DDHD1: variants seen among roughly 807,000 people sequenced by gnomAD.
DDHD1 encodes the protein phospholipase DDHD1.
In DDHD1, 49 loss-of-function variants were observed where a neutral mutation model predicts 96.4. The ratio of observed to expected loss-of-function variants is 0.51; its 90% CI spans 0.40 to 0.64. The LOEUF (loss-of-function observed/expected upper bound fraction) is 0.64. Ranked by LOEUF, DDHD1 falls within the 30% of genes least tolerant of loss-of-function variation. The pLI is 0.00. For synonymous variants in DDHD1, 442 were observed against 446.5 expected (o/e 0.99, Z 0.13); for missense variants, 1,106 against 1,161.2 (o/e 0.95, Z 0.69).
intron 2 of DDHD1, among the ~76,000 whole-genome samples, chr14:53,094,780 C>G (rs1046537218): frequency 6.6e-6 from 1 of 151,680 alleles, no homozygotes; most frequent in East Asian, 1.9e-4. Flanking sequence ...GGAGGTCAAG[C>G]CTGCAATGAG....
chr14:53,152,132 TCC>T, intron 1 of DDHD1, 127 bp downstream of exon 1: 5 of 991,698 alleles, frequency 5.0e-6, no homozygotes, highest in Admixed American at 6.0e-5. Flanking sequence ...TCAATCTCCA[TCC>T]TGCCCCAGCC....
intron 4 of DDHD1, among the ~76,000 whole-genome samples, chr14:53,082,399 A>G (rs1256745566): frequency 6.6e-6 from 1 of 152,098 alleles, no homozygotes; most frequent in African/African-American, 2.4e-5. Context: ...AAAAATAGAA[A>G]AAGATATAAA....
chr14:53,068,884 C>T (rs1021528260), intron 6 of DDHD1, among the ~76,000 whole-genome samples: 24 of 152,216 alleles, frequency 1.6e-4, no homozygotes, highest in Non-Finnish European at 3.2e-4. Context: ...GTCCAGTCTT[C>T]TCTTACCTAA....
chr14:53,061,082 A>C, intron 8 of DDHD1, 44 bp downstream of exon 8: 1 of 1,549,834 alleles, frequency 6.5e-7, no homozygotes, highest in Middle Eastern at 1.7e-4. Context: ...ACGTTAAAAA[A>C]AATACTGAGA....
intron 1 of DDHD1, among the ~76,000 whole-genome samples, chr14:53,151,902 G>A (rs191908960): frequency 6.6e-6 from 1 of 152,184 alleles, no homozygotes; most frequent in African/African-American, 2.4e-5. Flanking sequence ...GCTGTTTAGG[G>A]TAAATGAGAC....
At chr14:53,091,443 C>A (rs1434441625) in intron 4 of DDHD1, among the ~76,000 whole-genome samples, 1 of 152,166 alleles carries the variant, frequency 6.6e-6, no homozygotes, top group African/African-American at 2.4e-5. Flanking sequence ...TTGCAGTATT[C>A]TTAGTTTCTG....
chr14:53,120,278 C>T (rs558309771), intron 1 of DDHD1, among the ~76,000 whole-genome samples: 1 of 152,208 alleles, frequency 6.6e-6, no homozygotes, highest in African/African-American at 2.4e-5. Context: ...AACTACAAAC[C>T]ACTGTTCAAC....
intron 6 of DDHD1, among the ~76,000 whole-genome samples, chr14:53,067,969 T>A (rs1884184894): frequency 6.6e-6 from 1 of 152,170 alleles, no homozygotes; most frequent in South Asian, 2.1e-4. Flanking sequence ...CATGATCTTT[T>A]ACCCCTAAAT....
chr14:53,062,516 TA>T (rs1017574010), intron 7 of DDHD1, among the ~76,000 whole-genome samples: 3 of 152,004 alleles, frequency 2.0e-5, no homozygotes, highest in Admixed American at 6.6e-5. Flanking sequence ...ATATAACATG[TA>T]AAAAAATATA....
intron 1 of DDHD1, among the ~76,000 whole-genome samples, chr14:53,112,182 C>T (rs190191366): frequency 1.1e-3 from 160 of 152,118 alleles, no homozygotes; most frequent in Non-Finnish European, 1.1e-3. Flanking sequence ...TCTGAGAGGC[C>T]GAAGTGGGCG....
intron 4 of DDHD1, among the ~76,000 whole-genome samples, chr14:53,075,839 G>A (rs1417510993): frequency 1.3e-5 from 2 of 152,102 alleles, no homozygotes; most frequent in African/African-American, 4.8e-5. Context: ...CTGTGCCTGT[G>A]CTCTATAAAT....
chr14:53,058,469 C>A lies in DDHD1; in HGVS notation c.1992+8G>T, dbSNP rs1203024734. The A allele has an allele frequency of 6.9e-6, 11 of 1,602,726 alleles. No homozygotes were observed. The highest frequency in any genetic ancestry group is 9.3e-6 in the Non-Finnish European group (11 of 1,176,682). ...TTGAGAAAAAAAAGAGTCTATATTG[C>A]AACTCACCACTGGATCTGTAGGATG... On this transcript the variant is annotated splice_region_variant and intron_variant, in intron 9 of 12. Coordinates refer to ENST00000673822, the MANE Select transcript of DDHD1 (RefSeq NM_001160148.2).
intron 12 of DDHD1, among the ~76,000 whole-genome samples, chr14:53,051,005 T>C (rs776487581): frequency 1.3e-5 from 2 of 150,338 alleles, no homozygotes; most frequent in Non-Finnish European, 3.0e-5. Context: ...GATAATTTCT[T>C]AAGGGGAATT....
rs1481722324 is a variant in DDHD1, at chr14:53,152,621, C to T, written c.478G>A (p.Val160Met). The change falls in exon 1 of 13, where the codon GTG becomes ATG. Residue 160 changes from valine (V) to methionine (M), a missense_variant. This residue lies in a region of DDHD1 where 456 missense variants were observed against 402.4 expected (regional missense o/e 1.13). Transcript: ENST00000673822. ...ACCTCCTCCGGGCCCAGCTCCGTCA[C>T]TACCTCATAGCGGTGCCGGGCCGCC... Reference protein sequence around the residue: ...GPAARHRYEVVTELGPEEVRW... With the variant: ...GPAARHRYEVMTELGPEEVRW... 3.7e-6 allele frequency: 6 copies of T among 1,613,596 alleles called. No homozygotes were observed. The highest frequency in any genetic ancestry group is 5.1e-6 in the Non-Finnish European group (6 of 1,179,950).
intron 6 of DDHD1, among the ~76,000 whole-genome samples, chr14:53,071,411 T>C (rs1344177439): frequency 6.6e-6 from 1 of 152,114 alleles, no homozygotes; most frequent in Non-Finnish European, 1.5e-5. Flanking sequence ...CTTCCTTCCA[T>C]ACATTTCATA....
chr14:53,113,542 G>A (rs929446345), intron 1 of DDHD1, among the ~76,000 whole-genome samples: 1 of 152,012 alleles, frequency 6.6e-6, no homozygotes, highest in Non-Finnish European at 1.5e-5. Flanking sequence ...ATTTCCAACT[G>A]AGGTGCCCCG....
At chr14:53,118,905 G>C (rs1888760376) in intron 1 of DDHD1, among the ~76,000 whole-genome samples, 1 of 152,182 alleles carries the variant, frequency 6.6e-6, no homozygotes, top group Non-Finnish European at 1.5e-5. Context: ...GTTAAGGGCA[G>C]CCAGGGAGAA....
Position 53,152,899 on chromosome 14 carries a change from A to C in DDHD1, c.200T>G (p.Leu67Trp). ...ALLRGEPGLH[L>W]APGTDDHNHH... ...GTTGTGGTCGTCGGTGCCCGGCGCC[A>C]AATGCAGCCCGGGTTCCCCGCGCAG... is the stretch of plus-strand genomic sequence containing the variant. The change falls in exon 1 of 13, where the codon TTG becomes TGG. Residue 67 changes from leucine to tryptophan, a missense_variant. Leu to Trp is a moderately conservative substitution (Grantham distance 61). Transcript: ENST00000673822. 1 of 1,608,542 alleles carries C rather than the reference A, an allele frequency of 6.2e-7. No homozygotes were observed. Among genetic ancestry groups the C allele is most frequent in the Non-Finnish European group, 8.5e-7 (1 of 1,177,864 alleles).
chr14:53,063,465 G>A (rs1226044634), intron 6 of DDHD1, among the ~76,000 whole-genome samples: 1 of 150,422 alleles, frequency 6.6e-6, no homozygotes, highest in Non-Finnish European at 1.5e-5. Context: ...AACTGTATAA[G>A]CCAGCAGTTC....
Sources: allele counts gnomAD v4.1 joint callset (sites outside exome capture counted in the v4.1 genomes callset), GRCh38; gene constraint gnomAD v4.1.1; regional missense constraint gnomAD v4.1.1; transcripts MANE v1.5; gene names NCBI Gene and HGNC (gene_info 2026-07-23, HGNC 2026-07-21).